Variants in FANK1 observed in about 807,000 individuals in gnomAD.
FANK1 encodes the protein fibronectin type III and ankyrin repeat domains 1, also known as fibronectin type 3 and ankyrin repeat domains protein 1.
Under a neutral mutation model 45.3 loss-of-function variants are expected in FANK1, and 44 were observed. The observed-to-expected ratio is 0.97, with a 90% CI of 0.76 to 1.25. The LOEUF (loss-of-function observed/expected upper bound fraction) is 1.25, where lower values mean the gene tolerates loss of function less well. Among genes scored for constraint, FANK1 ranks in the 50% most tolerant of loss-of-function variants. FANK1 has a pLI of 0.00. For synonymous variants in FANK1, 149 were observed against 152.5 expected, an observed-to-expected ratio of 0.98 and a Z score of 0.17; for missense variants, 391 against 424.4, an observed-to-expected ratio of 0.92 and a Z score of 0.69.
intron 1 of FANK1, among the ~76,000 whole-genome samples, chr10:125,928,429 A>C (rs1413160371): frequency 1.3e-5 from 2 of 150,000 alleles, no homozygotes; most frequent in Non-Finnish European, 1.5e-5. Context: ...CTTACTGCAG[A>C]CTGTTTTATC....
At chr10:125,929,057 G>A (rs1051621633) in intron 1 of FANK1, among the ~76,000 whole-genome samples, 1 of 152,226 alleles carries the variant, frequency 6.6e-6, no homozygotes, top group African/African-American at 2.4e-5. Context: ...ACAGTAGCCA[G>A]ATTAGCAGGA....
intron 6 of FANK1, among the ~76,000 whole-genome samples, chr10:126,001,590 C>A (rs1020216880): frequency 9.9e-5 from 15 of 152,146 alleles, no homozygotes; most frequent in Non-Finnish European, 2.1e-4. Context: ...CCCCTTCTCC[C>A]ACCTTGTGAA....
chr10:125,999,313 C>T (rs1435809991), intron 6 of FANK1, among the ~76,000 whole-genome samples: 4 of 151,554 alleles, frequency 2.6e-5, no homozygotes, highest in African/African-American at 9.7e-5. Context: ...CATTCTCCTG[C>T]CTCAGCCTCC....
At chr10:125,932,080 C>T (rs1371871601) in intron 1 of FANK1, among the ~76,000 whole-genome samples, 1 of 152,062 alleles carries the variant, frequency 6.6e-6, no homozygotes, top group African/African-American at 2.4e-5. Context: ...TATACCAGTA[C>T]CATGCTGTTT....
intron 6 of FANK1, chr10:126,004,175 AAAAAAG>A (rs1440903684): frequency 3.3e-5 from 5 of 151,476 alleles, no homozygotes; most frequent in East Asian, 1.9e-4. Context: ...AAAAAAAAAA[AAAAAAG>A]AAAATATTTA....
At chr10:125,998,787 C>T (rs1362977073) in intron 6 of FANK1, among the ~76,000 whole-genome samples, 1 of 152,164 alleles carries the variant, frequency 6.6e-6, no homozygotes, top group Admixed American at 6.5e-5. Context: ...ACCCAAGAAG[C>T]AGAAAATTCG....
intron 1 of FANK1, among the ~76,000 whole-genome samples, chr10:125,939,790 AG>A (rs1312880577): frequency 1.3e-5 from 2 of 152,146 alleles, no homozygotes; most frequent in African/African-American, 4.8e-5. Flanking sequence ...AGGAAAATAC[AG>A]ATGATTGCCT....
intron 1 of FANK1, among the ~76,000 whole-genome samples, chr10:125,970,289 GC>G (rs1564925632): frequency 1.3e-5 from 2 of 150,776 alleles, no homozygotes; most frequent in South Asian, 2.1e-4. Context: ...GGGCGGGGGC[GC>G]CCCCTGCCTC....
intron 2 of FANK1, among the ~76,000 whole-genome samples, chr10:125,984,117 C>T (rs1029101448): frequency 3.9e-5 from 6 of 152,286 alleles, no homozygotes; most frequent in African/African-American, 1.4e-4. Flanking sequence ...CCCAGTGATG[C>T]TGCTGGAAGC....
intron 1 of FANK1, among the ~76,000 whole-genome samples, chr10:125,907,204 A>G (rs1945596199): frequency 6.6e-6 from 1 of 152,244 alleles, no homozygotes; most frequent in Non-Finnish European, 1.5e-5. Flanking sequence ...AGGCTTGCTT[A>G]TAGTAAAACA....
chr10:125,965,410 A>G (rs1176425448), intron 1 of FANK1, among the ~76,000 whole-genome samples: 1 of 152,220 alleles, frequency 6.6e-6, no homozygotes, highest in African/African-American at 2.4e-5. Context: ...TACTGTGTCT[A>G]AAGAATATAT....
At chr10:125,900,683 A>T (rs149744427) in intron 1 of FANK1, among the ~76,000 whole-genome samples, 2 of 151,038 alleles carry the variant, frequency 1.3e-5, no homozygotes, top group East Asian at 3.9e-4. Context: ...ACGGAGTCTC[A>T]CTCTGTTACC....
chr10:125,951,338 A>T (rs11244714), intron 1 of FANK1, among the ~76,000 whole-genome samples: 58,826 of 151,932 alleles, frequency 0.39, 11,680 homozygotes, highest in Non-Finnish European at 0.44. Context: ...ATACCTGTTT[A>T]GGAAACATTT....
At position 125,957,785 on chromosome 10, in the gene FANK1, A is replaced by G. The variant is rs1326837745; in HGVS notation, c.14-22376A>G. Among the ~76,000 whole-genome samples, 4 of 152,092 alleles carry G rather than the reference A, an allele frequency of 2.6e-5. No individual in the cohort carries two copies. In the East Asian group the frequency reaches 7.7e-4, roughly 29 times the overall value. Reference sequence around the variant, plus strand: ...GGTAATCCCTTCGCCTTGGCCTCCCAAAGTGCTGAGGTTATAGGCGTGAGC... The same window carrying G: ...GGTAATCCCTTCGCCTTGGCCTCCCGAAGTGCTGAGGTTATAGGCGTGAGC... On this transcript the variant is annotated intron_variant, in intron 1 of 10. Coordinates refer to ENST00000368693, the MANE Select transcript of FANK1 (RefSeq NM_145235.5).
At chr10:125,902,716 C>T (rs534477617) in intron 1 of FANK1, among the ~76,000 whole-genome samples, 14 of 151,980 alleles carry the variant, frequency 9.2e-5, no homozygotes, top group Middle Eastern at 3.4e-3. Flanking sequence ...TTGGACCAAG[C>T]GGCCACGAGG....
chr10:125,971,780 G>C (rs750633660), intron 1 of FANK1, among the ~76,000 whole-genome samples: 10 of 152,034 alleles, frequency 6.6e-5, no homozygotes, highest in South Asian at 2.1e-4. Context: ...CGCTACCACG[G>C]CCGGCTAATT....
intron 1 of FANK1, among the ~76,000 whole-genome samples, chr10:125,948,447 C>T (rs1220498635): frequency 6.6e-6 from 1 of 152,174 alleles, no homozygotes. Flanking sequence ...ACCGATCCCA[C>T]AGAAATACAA....
At chr10:125,916,937 C>A (rs778557995) in intron 1 of FANK1, among the ~76,000 whole-genome samples, 1 of 152,066 alleles carries the variant, frequency 6.6e-6, no homozygotes, top group Non-Finnish European at 1.5e-5. Context: ...CTGAAGATAA[C>A]GCTGAATCGA....
intron 6 of FANK1, among the ~76,000 whole-genome samples, chr10:126,003,271 G>A (rs898117126): frequency 6.6e-6 from 1 of 151,996 alleles, no homozygotes; most frequent in African/African-American, 2.4e-5. Context: ...CAGGCTTAAG[G>A]GCTCTATTAG....
Sources: gnomAD v4.1 joint callset for allele counts (sites outside exome capture counted in the v4.1 genomes callset) on GRCh38, gnomAD v4.1.1 for gene constraint, MANE v1.5 for transcripts, NCBI Gene and HGNC (gene_info 2026-07-23, HGNC 2026-07-21) for gene names.